NPY2R: variants seen among roughly 807,000 people sequenced by gnomAD.
NPY2R encodes the protein neuropeptide Y receptor type 2.
In NPY2R, 17 loss-of-function variants were observed where a neutral mutation model predicts 22.3. The ratio of observed to expected loss-of-function variants is 0.76; its 90% CI spans 0.52 to 1.14. The LOEUF is 1.14. Among genes scored for constraint, NPY2R ranks in the 50% most tolerant of loss-of-function variants. The pLI, the probability that NPY2R is intolerant of heterozygous loss-of-function variation, is 0.00. For synonymous variants in NPY2R, 209 were observed against 183.4 expected, an observed-to-expected ratio of 1.14 and a Z score of -1.13; for missense variants, 424 against 467.9, an observed-to-expected ratio of 0.91 and a Z score of 0.87.
At chr4:155,179,438 T>C in the NPY2R span, among the ~76,000 whole-genome samples, 1 of 152,180 alleles carries the variant, frequency 6.6e-6, no homozygotes, top group African/African-American at 2.4e-5. Context: ...ATTTGAGGCT[T>C]GCTTTTAAAG....
At chr4:155,183,995 T>A in the NPY2R span, among the ~76,000 whole-genome samples, 121 of 152,334 alleles carry the variant, frequency 7.9e-4, no homozygotes, top group African/African-American at 2.8e-3. Context: ...TACAAATGTG[T>A]CCATGTCACC....
At chr4:155,179,842 A>G in the NPY2R span, among the ~76,000 whole-genome samples, 4 of 150,354 alleles carry the variant, frequency 2.7e-5, no homozygotes, top group East Asian at 6.2e-4. Context: ...CCTCAAGTCA[A>G]TAAGACCAGT....
chr4:155,174,484 A>ATATATATATTTTT, the NPY2R span, among the ~76,000 whole-genome samples: 7 of 106,118 alleles, frequency 6.6e-5, no homozygotes, highest in African/African-American at 1.8e-4. Flanking sequence ...ATATATATAT[A>ATATATATATTTTT]TTTTTTTTTT....
At chr4:155,179,981 A>G in the NPY2R span, among the ~76,000 whole-genome samples, 1 of 149,140 alleles carries the variant, frequency 6.7e-6, no homozygotes, top group Non-Finnish European at 1.5e-5. Context: ...ATTGTCTAGT[A>G]TGTAAACATA....
the NPY2R span, among the ~76,000 whole-genome samples, chr4:155,195,486 C>A: frequency 6.6e-6 from 1 of 151,830 alleles, no homozygotes; most frequent in Non-Finnish European, 1.5e-5. Flanking sequence ...AATCCTAGCA[C>A]CACAGTTAAG....
the NPY2R span, among the ~76,000 whole-genome samples, chr4:155,181,338 A>G: frequency 6.6e-6 from 1 of 152,186 alleles, no homozygotes. Context: ...TGAAGCACAG[A>G]ATTTAGGATG....
chr4:155,174,460 C>T, the NPY2R span, among the ~76,000 whole-genome samples: 6 of 88,298 alleles, frequency 6.8e-5, 1 homozygote, highest in East Asian at 2.0e-3. Flanking sequence ...ATTGGCTAAG[C>T]TTTATATATA....
chr4:155,201,489 G>T, the NPY2R span, among the ~76,000 whole-genome samples: 1 of 152,118 alleles, frequency 6.6e-6, no homozygotes, highest in Non-Finnish European at 1.5e-5. Context: ...ATGGATCAGA[G>T]ATGAACCGCC....
chr4:155,188,457 T>C, the NPY2R span, among the ~76,000 whole-genome samples: 2 of 152,242 alleles, frequency 1.3e-5, no homozygotes, highest in East Asian at 1.9e-4. Context: ...TTCCCCTGTC[T>C]CCCAGTATTC....
At position 155,216,235 on chromosome 4, in the gene NPY2R, T is replaced by G. The variant is rs1279860912; in HGVS notation, c.*1150T>G. Reference sequence around the variant, plus strand: ...CCAGTTTCACATAAGTTATTTGTCTTCTTTTCAAAATAATTAGCTATATTT... The same window carrying G: ...CCAGTTTCACATAAGTTATTTGTCTGCTTTTCAAAATAATTAGCTATATTT... On this transcript the variant is annotated 3_prime_UTR_variant, in exon 2 of 2. Coordinates refer to ENST00000329476, the MANE Select transcript of NPY2R (RefSeq NM_000910.4). 1.2e-5 allele frequency: 2 copies of G among 166,966 alleles called. No homozygotes were observed. The highest frequency in any genetic ancestry group is 2.9e-5 in the Non-Finnish European group (2 of 68,064). 10.3% of individuals were successfully genotyped at this position (166,966 alleles called of 1,614,324 possible).
the NPY2R span, among the ~76,000 whole-genome samples, chr4:155,177,165 C>T: frequency 0.023 from 3,578 of 152,266 alleles, 106 homozygotes; most frequent in Middle Eastern, 0.082. Flanking sequence ...TTCCATCTTC[C>T]ACACAAAAGT....
Position 155,214,979 on chromosome 4 carries a change from A to C in NPY2R, c.1040A>C (p.Asp347Ala), listed in dbSNP as rs1019513957. The change falls in exon 2 of 2, where the codon GAT becomes GCT. Residue 347 changes from aspartate to alanine, a missense_variant. Coordinates refer to ENST00000329476, the MANE Select transcript of NPY2R (RefSeq NM_000910.4). ...LSAFRCEQRL[D>A]AIHSEVSVTF... Reference sequence around the variant, plus strand: ...GCCTTCCGCTGTGAGCAGCGGTTGGATGCCATTCACTCTGAGGTGTCCGTG... The same window carrying C: ...GCCTTCCGCTGTGAGCAGCGGTTGGCTGCCATTCACTCTGAGGTGTCCGTG... The C allele has an allele frequency of 1.2e-6, 2 of 1,614,114 alleles. No individual in the cohort carries two copies. The highest frequency in any genetic ancestry group is 2.7e-5 in the African/African-American group (2 of 74,948).
upstream of NPY2R, among the ~76,000 whole-genome samples, chr4:155,204,732 C>T (rs1481595817): frequency 6.6e-6 from 1 of 151,826 alleles, no homozygotes; most frequent in Non-Finnish European, 1.5e-5. Flanking sequence ...AGAAGGCAGG[C>T]TACAAGTTAA....
At chr4:155,181,432 A>G in the NPY2R span, among the ~76,000 whole-genome samples, 71,945 of 151,880 alleles carry the variant, frequency 0.47, 17,734 homozygotes, top group East Asian at 0.69. Flanking sequence ...CCATTCACCT[A>G]TCTCTTTAAG....
At chr4:155,213,421 A>G (rs1318734977) in intron 1 of NPY2R, among the ~76,000 whole-genome samples, 4 of 152,210 alleles carry the variant, frequency 2.6e-5, no homozygotes, top group Non-Finnish European at 1.5e-5. Flanking sequence ...AATAGTTTTA[A>G]TATGTTCCCC....
the NPY2R span, among the ~76,000 whole-genome samples, chr4:155,203,540 C>T: frequency 1.3e-5 from 2 of 151,914 alleles, no homozygotes; most frequent in African/African-American, 4.8e-5. Context: ...TTGATGCAGC[C>T]CCAATTATAT....
chr4:155,174,484 A>ATATATATATATATATATTTTTT, the NPY2R span, among the ~76,000 whole-genome samples: 4 of 106,066 alleles, frequency 3.8e-5, no homozygotes, highest in Middle Eastern at 4.4e-3. Flanking sequence ...ATATATATAT[A>ATATATATATATATATATTTTTT]TTTTTTTTTT....
the NPY2R span, among the ~76,000 whole-genome samples, chr4:155,199,926 A>G: frequency 1.3e-5 from 2 of 152,172 alleles, no homozygotes; most frequent in African/African-American, 4.8e-5. Flanking sequence ...AAATCTAGGC[A>G]ATACCGTTAA....
chr4:155,193,642 G>A, the NPY2R span, among the ~76,000 whole-genome samples: 2 of 151,912 alleles, frequency 1.3e-5, no homozygotes, highest in African/African-American at 4.8e-5. Context: ...CCTAGGCATG[G>A]CACTGAAGGA....
Sources: allele counts gnomAD v4.1 joint callset (sites outside exome capture counted in the v4.1 genomes callset), GRCh38; gene constraint gnomAD v4.1.1; transcripts MANE v1.5; gene names NCBI Gene and HGNC (gene_info 2026-07-23, HGNC 2026-07-21).